The following ST8SIA5 variants were observed in gnomAD, a reference collection of about 807,000 sequenced individuals.
The protein encoded by ST8SIA5 is ST8 alpha-N-acetyl-neuraminide alpha-2,8-sialyltransferase 5.
Under a neutral mutation model 40.2 loss-of-function variants are expected in ST8SIA5, and 24 were observed. The ratio of observed to expected loss-of-function variants is 0.60; its 90% CI spans 0.43 to 0.84. The LOEUF (loss-of-function observed/expected upper bound fraction) is 0.84, where lower values mean the gene tolerates loss of function less well. ST8SIA5 is among the 40% of genes least tolerant of loss of function. The pLI, the probability that ST8SIA5 is intolerant of heterozygous loss-of-function variation, is 0.00. For missense variants in ST8SIA5, 465 were observed against 498.5 expected (o/e 0.93, Z 0.64); for synonymous variants, 198 against 201.8 (o/e 0.98, Z 0.16).
At chr18:46,738,770 G>A (rs986581589) in intron 1 of ST8SIA5, among the ~76,000 whole-genome samples, 1 of 152,102 alleles carries the variant, frequency 6.6e-6, no homozygotes, top group East Asian at 1.9e-4. Context: ...CGAACAGAAG[G>A]CTTTGTCCCC....
At chr18:46,718,928 T>C (rs970539472) in intron 1 of ST8SIA5, among the ~76,000 whole-genome samples, 2 of 152,140 alleles carry the variant, frequency 1.3e-5, no homozygotes, top group African/African-American at 4.8e-5. Flanking sequence ...CCAGGAGCTG[T>C]CCTGCCCATT....
chr18:46,734,619 G>A (rs1412656781), intron 1 of ST8SIA5, among the ~76,000 whole-genome samples: 1 of 152,178 alleles, frequency 6.6e-6, no homozygotes, highest in Non-Finnish European at 1.5e-5. Flanking sequence ...AGGGAACTAG[G>A]TAGGCAGGAC....
At chr18:46,708,266 G>A (rs1035855979) in intron 1 of ST8SIA5, among the ~76,000 whole-genome samples, 1 of 152,142 alleles carries the variant, frequency 6.6e-6, no homozygotes, top group Non-Finnish European at 1.5e-5. Flanking sequence ...ACAACTCGAA[G>A]TTTCTCACTG....
At chr18:46,711,184 G>A (rs1318252840) in intron 1 of ST8SIA5, among the ~76,000 whole-genome samples, 1 of 152,132 alleles carries the variant, frequency 6.6e-6, no homozygotes, top group African/African-American at 2.4e-5. Context: ...CACATGGCTG[G>A]TCAAGTGAGA....
chr18:46,727,890 T>TA (rs1568272481), intron 1 of ST8SIA5, among the ~76,000 whole-genome samples: 3 of 152,190 alleles, frequency 2.0e-5, no homozygotes, highest in Non-Finnish European at 4.4e-5. Flanking sequence ...GTGGACTGTT[T>TA]AATGACGAAG....
At chr18:46,727,981 G>T (rs2039947805) in intron 1 of ST8SIA5, among the ~76,000 whole-genome samples, 1 of 152,150 alleles carries the variant, frequency 6.6e-6, no homozygotes. Flanking sequence ...AGGATCACAA[G>T]GTCAAGGGAT....
intron 2 of ST8SIA5, among the ~76,000 whole-genome samples, chr18:46,694,695 C>T (rs765946567): frequency 7.2e-5 from 11 of 152,218 alleles, no homozygotes; most frequent in South Asian, 4.1e-4. Context: ...GTGGCTCTTA[C>T]CCTGGGGTCC....
chr18:46,734,969 C>T (rs1459741652), intron 1 of ST8SIA5, among the ~76,000 whole-genome samples: 2 of 152,212 alleles, frequency 1.3e-5, no homozygotes, highest in African/African-American at 4.8e-5. Context: ...ACATTTCAGT[C>T]AGTGGACTGG....
intron 1 of ST8SIA5, among the ~76,000 whole-genome samples, chr18:46,711,508 G>T (rs958880301): frequency 6.6e-6 from 1 of 152,158 alleles, no homozygotes; most frequent in African/African-American, 2.4e-5. Flanking sequence ...GACTCTGACA[G>T]CCATCGTTCT....
At chr18:46,735,257 C>T (rs2040022708) in intron 1 of ST8SIA5, among the ~76,000 whole-genome samples, 1 of 152,230 alleles carries the variant, frequency 6.6e-6, no homozygotes, top group South Asian at 2.1e-4. Context: ...CTTCCTTGCT[C>T]CTCAGCTTGT....
At chr18:46,750,724 C>T (rs1390399317) in intron 1 of ST8SIA5, among the ~76,000 whole-genome samples, 1 of 152,204 alleles carries the variant, frequency 6.6e-6, no homozygotes, top group Non-Finnish European at 1.5e-5. Flanking sequence ...TTCCCCTCCA[C>T]CTCTCTCCAG....
intron 1 of ST8SIA5, among the ~76,000 whole-genome samples, chr18:46,719,950 C>T (rs534557698): frequency 9.2e-5 from 14 of 151,678 alleles, no homozygotes; most frequent in Admixed American, 7.9e-4. Flanking sequence ...GCTATTCTCC[C>T]GTCTCAGCCT....
At chr18:46,750,244 A>G (rs1249026698) in intron 1 of ST8SIA5, among the ~76,000 whole-genome samples, 3 of 152,174 alleles carry the variant, frequency 2.0e-5, no homozygotes, top group Non-Finnish European at 4.4e-5. Context: ...GATTATTAAA[A>G]TCTACCATGT....
chr18:46,719,072 A>T (rs376293799), intron 1 of ST8SIA5, among the ~76,000 whole-genome samples: 4 of 152,352 alleles, frequency 2.6e-5, no homozygotes, highest in East Asian at 3.9e-4. Flanking sequence ...TTCGGGGTCA[A>T]CTAGAAATAG....
At position 46,688,796 on chromosome 18, in the gene ST8SIA5, C is replaced by T. The variant is rs1041528407; in HGVS notation, c.435G>A (p.Glu145=). 2.5e-6 allele frequency: 4 copies of T among 1,613,458 alleles called. No individual in the cohort carries two copies. Among genetic ancestry groups the T allele is most frequent in the Admixed American group, 3.3e-5 (2 of 59,946 alleles). ...GCACCTTGGGAAACATGCGGAAGAT[C>T]TCCTGGTTGATGTGGTAGATGCCAC... ...DTSGIYHINQ[E]IFRMFPKDMP... is the part of the protein sequence containing the mutation. Residue 145 remains glutamate, a synonymous_variant, in exon 4 of 7, where the codon GAG becomes GAA. Coordinates refer to ENST00000315087, the MANE Select transcript of ST8SIA5 (RefSeq NM_013305.6).
chr18:46,727,999 A>G (rs1027964988), intron 1 of ST8SIA5, among the ~76,000 whole-genome samples: 1 of 152,160 alleles, frequency 6.6e-6, no homozygotes, highest in Non-Finnish European at 1.5e-5. Flanking sequence ...GATCGAGACC[A>G]TCCTGGCCAA....
At chr18:46,722,884 T>C (rs1222126586) in intron 1 of ST8SIA5, 1 of 152,216 alleles carries the variant, frequency 6.6e-6, no homozygotes, top group Non-Finnish European at 1.5e-5. Context: ...AAGACCATCA[T>C]CATGTGAAGA....
At chr18:46,685,289 G>A (rs1240485236) in intron 5 of ST8SIA5, among the ~76,000 whole-genome samples, 1 of 152,162 alleles carries the variant, frequency 6.6e-6, no homozygotes, top group Non-Finnish European at 1.5e-5. Context: ...AATGTGGCTG[G>A]GCTAAGGAGT....
intron 1 of ST8SIA5, among the ~76,000 whole-genome samples, chr18:46,726,626 A>C (rs980661803): frequency 6.6e-6 from 1 of 152,200 alleles, no homozygotes; most frequent in Admixed American, 6.5e-5. Context: ...ACACGTTAAA[A>C]TAATTTTTAA....
Sources: gnomAD v4.1 joint callset for allele counts (sites outside exome capture counted in the v4.1 genomes callset) on GRCh38, gnomAD v4.1.1 for gene constraint, MANE v1.5 for transcripts, NCBI Gene and HGNC (gene_info 2026-07-23, HGNC 2026-07-21) for gene names.